VRK2: variants seen among roughly 807,000 people sequenced by gnomAD.
The protein encoded by VRK2 is VRK serine/threonine kinase 2, also known as serine/threonine-protein kinase VRK2.
Under a neutral mutation model 57.6 loss-of-function variants are expected in VRK2, and 60 were observed. That is an observed-to-expected ratio of 1.04 (90% confidence interval 0.85 to 1.29). The LOEUF (loss-of-function observed/expected upper bound fraction) is 1.29, where lower values mean the gene tolerates loss of function less well. Ranked by LOEUF, VRK2 falls within the 50% of genes most tolerant of loss-of-function variation. VRK2 has a pLI of 0.00. For synonymous variants in VRK2, 231 were observed against 199.2 expected (o/e 1.16, Z -1.35); for missense variants, 705 against 588.1 (o/e 1.20, Z -2.06).
At chr2:57,927,601 T>C (rs1246459166) in intron 1 of VRK2, among the ~76,000 whole-genome samples, 1 of 152,198 alleles carries the variant, frequency 6.6e-6, no homozygotes, top group Non-Finnish European at 1.5e-5. Context: ...CAATTACAGT[T>C]ATAATATTCT....
chr2:58,140,360 C>T (rs17049374), intron 11 of VRK2, among the ~76,000 whole-genome samples: 3,866 of 151,914 alleles, frequency 0.025, 165 homozygotes, highest in African/African-American at 0.089. Context: ...GCCATCTTCC[C>T]AAAGACCAAC....
chr2:57,908,724 C>G (rs1669900952), intron 1 of VRK2, among the ~76,000 whole-genome samples: 1 of 152,064 alleles, frequency 6.6e-6, no homozygotes, highest in African/African-American at 2.4e-5. Flanking sequence ...AATAGTTTTT[C>G]AAAGTAGTTT....
chr2:57,926,782 G>A (rs1670553178), intron 1 of VRK2, among the ~76,000 whole-genome samples: 1 of 150,908 alleles, frequency 6.6e-6, no homozygotes. Context: ...GTAGGTCACA[G>A]ATCACTGGGT....
At chr2:57,946,599 C>A (rs1471449874) in intron 1 of VRK2, among the ~76,000 whole-genome samples, 1 of 152,020 alleles carries the variant, frequency 6.6e-6, no homozygotes, top group Non-Finnish European at 1.5e-5. Flanking sequence ...TTAAAAGAAT[C>A]CTGATTATCA....
At chr2:58,035,120 T>C (rs1674234885) in intron 3 of VRK2, among the ~76,000 whole-genome samples, 1 of 152,044 alleles carries the variant, frequency 6.6e-6, no homozygotes, top group Non-Finnish European at 1.5e-5. Flanking sequence ...CTCCATGCCT[T>C]CCAACAGTAT....
intron 1 of VRK2, among the ~76,000 whole-genome samples, chr2:57,940,886 CAA>C (rs1346186134): frequency 2.9e-5 from 4 of 139,564 alleles, no homozygotes; most frequent in Admixed American, 7.2e-5. Flanking sequence ...TCCTGCTCTC[CAA>C]AAAAAAAAAG....
intron 3 of VRK2, among the ~76,000 whole-genome samples, chr2:58,036,735 G>C (rs1038065682): frequency 1.3e-5 from 2 of 150,900 alleles, no homozygotes; most frequent in African/African-American, 4.9e-5. Context: ...CACACAAGTA[G>C]TTAGTGTCAG....
rs1378115215 is a variant in VRK2, at chr2:58,136,894, GTA to G, written c.856+1703_856+1704del. Among the ~76,000 whole-genome samples, 70 of 15,548 alleles carry G rather than the reference GTA, an allele frequency of 4.5e-3. 3 individuals carry two copies. Among genetic ancestry groups the G allele is most frequent in the South Asian group, 0.01 (3 of 290 alleles). The allele number at this position is 15,548 out of a possible 152,430, so 10.2% of individuals were successfully genotyped here. ...ATCATATATTATATCATATATATGT[GTA>G]TATATATCATATATATATCATATAT... On this transcript the variant is annotated intron_variant, in intron 10 of 12. Transcript: ENST00000340157.
chr2:58,067,789 C>T (rs1301499528), intron 2 of VRK2, among the ~76,000 whole-genome samples: 1 of 152,084 alleles, frequency 6.6e-6, no homozygotes, highest in Non-Finnish European at 1.5e-5. Flanking sequence ...AGAAGAGACA[C>T]ACAATCTATT....
At chr2:57,966,400 G>C (rs921550485) in intron 1 of VRK2, among the ~76,000 whole-genome samples, 1 of 152,128 alleles carries the variant, frequency 6.6e-6, no homozygotes, top group Admixed American at 6.6e-5. Flanking sequence ...CAGGTAAAAG[G>C]GAAGTAAGTA....
chr2:58,143,290 C>A (rs1429317961), intron 11 of VRK2, among the ~76,000 whole-genome samples: 1 of 151,906 alleles, frequency 6.6e-6, no homozygotes, highest in Non-Finnish European at 1.5e-5. Flanking sequence ...AAAACTACCT[C>A]ATTTTCATAC....
chr2:58,079,648 A>G (rs1320525091), intron 2 of VRK2, among the ~76,000 whole-genome samples: 1 of 152,068 alleles, frequency 6.6e-6, no homozygotes, highest in Non-Finnish European at 1.5e-5. Flanking sequence ...GCACAAAAGC[A>G]GTCATGATTA....
chr2:57,987,489 A>T (rs1282540209), intron 1 of VRK2, among the ~76,000 whole-genome samples: 1 of 152,194 alleles, frequency 6.6e-6, no homozygotes, highest in African/African-American at 2.4e-5. Context: ...TTAAAAAAAA[A>T]TAAACTGACA....
chr2:58,154,271 A>G (rs775838496), intron 12 of VRK2, among the ~76,000 whole-genome samples: 22 of 151,080 alleles, frequency 1.5e-4, no homozygotes, highest in Admixed American at 2.6e-4. Flanking sequence ...TTAATTGCCA[A>G]TGTTATTGAT....
At chr2:58,144,387 T>C (rs530982049) in intron 11 of VRK2, among the ~76,000 whole-genome samples, 41 of 151,912 alleles carry the variant, frequency 2.7e-4, no homozygotes, top group Non-Finnish European at 2.8e-4. Context: ...GAGTAGATCT[T>C]AAGTATTCTC....
chr2:58,152,694 AT>A (rs770296118), intron 12 of VRK2, among the ~76,000 whole-genome samples: 89 of 150,048 alleles, frequency 5.9e-4, no homozygotes, highest in Admixed American at 2.3e-3. Flanking sequence ...TTTCACCTGC[AT>A]TTTTTTTTGT....
intron 1 of VRK2, among the ~76,000 whole-genome samples, chr2:57,964,700 A>G (rs893484446): frequency 5.3e-5 from 8 of 152,150 alleles, no homozygotes; most frequent in South Asian, 4.1e-4. Context: ...AGCCTGGCCA[A>G]TATGGTGAAA....
chr2:58,002,419 G>A (rs1383284382), intron 1 of VRK2, among the ~76,000 whole-genome samples: 1 of 152,044 alleles, frequency 6.6e-6, no homozygotes, highest in East Asian at 1.9e-4. Context: ...AGGATGCAGT[G>A]AGCCAAGACC....
chr2:58,046,924 C>G lies in VRK2; in HGVS notation c.-6+56C>G, dbSNP rs369714399. On this transcript the variant is annotated intron_variant, in intron 1 of 12. Transcript: ENST00000340157. ...CGGGCGGCACCTCCGCTTGCAGTGC[C>G]GGAGCCGCGGCCCCGCTCGGAAAAG... is the stretch of plus-strand genomic sequence containing the variant. 2.7e-3 allele frequency: 2,707 copies of G among 985,488 alleles called. 47 individuals are homozygous for G. In the African/African-American group the frequency reaches 0.037, roughly 14 times the overall value. The allele number at this position is 985,488 out of a possible 1,614,324, so 61.0% of individuals were successfully genotyped here.
Sources: gnomAD v4.1 joint callset for allele counts (sites outside exome capture counted in the v4.1 genomes callset) on GRCh38, gnomAD v4.1.1 for gene constraint, MANE v1.5 for transcripts, NCBI Gene and HGNC (gene_info 2026-07-23, HGNC 2026-07-21) for gene names.